ST3GAL4: variants seen among roughly 807,000 people sequenced by gnomAD.
ST3GAL4 encodes the protein ST3 beta-galactoside alpha-2,3-sialyltransferase 4.
In ST3GAL4, 24 loss-of-function variants were observed where a neutral mutation model predicts 42.6. The ratio of observed to expected loss-of-function variants is 0.56; its 90% CI spans 0.41 to 0.79. The LOEUF is 0.79. Ranked by LOEUF, ST3GAL4 falls within the 30% of genes least tolerant of loss-of-function variation. The probability of loss-of-function intolerance (pLI) is 0.00; values close to 1 mark genes in which losing one functional copy is unlikely to be tolerated. For missense variants in ST3GAL4, 311 were observed against 430.8 expected, an observed-to-expected ratio of 0.72 and a Z score of 2.46; for synonymous variants, 135 against 163.2, an observed-to-expected ratio of 0.83 and a Z score of 1.32.
rs1555090274 is a variant in ST3GAL4, at chr11:126,402,467, A to AG, written c.-60-3629_-60-3628insG. ...AGACTGTCTGAAAAAAAAAAAAAAA[A>AG]AAGAAGAAGAAGAAGAACTGAGGAC... On this transcript the variant is annotated intron_variant, in intron 1 of 10. Coordinates refer to ENST00000444328, the MANE Select transcript of ST3GAL4 (RefSeq NM_001254757.2). 8.6e-5 allele frequency among the ~76,000 whole-genome samples: 13 copies of AG among 151,528 alleles called. No homozygotes were observed. The East Asian group carries it at 1.9e-3, about 23-fold the overall frequency.
At chr11:126,356,546 T>G (rs556547379) in intron 1 of ST3GAL4, among the ~76,000 whole-genome samples, 1 of 152,268 alleles carries the variant, frequency 6.6e-6, no homozygotes, top group African/African-American at 2.4e-5. Flanking sequence ...TTCCCAGTCC[T>G]GGGGGGAGGC....
At position 126,363,671 on chromosome 11, in the gene ST3GAL4, G is replaced by A. The variant is rs535684610; in HGVS notation, c.-61+7829G>A. Reference sequence around the variant, plus strand: ...GACGGTGGGATCTTGTCTTTCTGGGGCCTCAGGGTCTCCAAAGATGGGCTG... The same window carrying A: ...GACGGTGGGATCTTGTCTTTCTGGGACCTCAGGGTCTCCAAAGATGGGCTG... On this transcript the variant is annotated intron_variant, in intron 1 of 10. Transcript: ENST00000444328. The surrounding 1 kb of genome is among the most constrained non-coding windows in gnomAD (Gnocchi z 4.6). Among the ~76,000 whole-genome samples the A allele has an allele frequency of 9.2e-5, 14 of 152,282 alleles. No homozygotes were observed. The South Asian group carries it at 2.9e-3, about 32-fold the overall frequency.
intron 1 of ST3GAL4, among the ~76,000 whole-genome samples, chr11:126,403,956 T>G (rs1197140118): frequency 1.3e-5 from 2 of 152,184 alleles, no homozygotes; most frequent in Non-Finnish European, 2.9e-5. Context: ...TTGGCTGCAC[T>G]TTAGAATCAC....
intron 1 of ST3GAL4, among the ~76,000 whole-genome samples, chr11:126,375,869 CTTTTTT>C (rs11443803): frequency 4.1e-5 from 5 of 122,640 alleles, no homozygotes; most frequent in Non-Finnish European, 5.1e-5. Context: ...CCTTTTCTTC[CTTTTTT>C]TTTTTTTTTT....
At position 126,410,071 on chromosome 11, in the gene ST3GAL4, ATT is replaced by A. The variant is rs1745299059; in HGVS notation, c.771+664_771+665del. On this transcript the variant is annotated intron_variant, in intron 9 of 10. Transcript: ENST00000444328. The surrounding 1 kb of genome is among the most constrained non-coding windows in gnomAD (Gnocchi z 5.3). ...AGGTATGCACCATCACGCCTGGCTA[ATT>A]TTTAAATTTTTTTGTAGAGATGGGG... 2.0e-5 allele frequency among the ~76,000 whole-genome samples: 3 copies of A among 152,030 alleles called. No homozygotes were observed. Among genetic ancestry groups the A allele is most frequent in the Admixed American group, 2.0e-4 (3 of 15,248 alleles).
intron 1 of ST3GAL4, among the ~76,000 whole-genome samples, chr11:126,367,473 T>C (rs1352665097): frequency 6.6e-6 from 1 of 152,080 alleles, no homozygotes; most frequent in Non-Finnish European, 1.5e-5. Flanking sequence ...GGGCAGAGCT[T>C]GAATGGAGAG....
intron 1 of ST3GAL4, among the ~76,000 whole-genome samples, chr11:126,403,755 G>T (rs1220273390): frequency 6.6e-6 from 1 of 152,166 alleles, no homozygotes; most frequent in Admixed American, 6.5e-5. Flanking sequence ...AGGGATCCTG[G>T]TTCGGAGCAC....
At chr11:126,358,920 G>C (rs1000641127) in intron 1 of ST3GAL4, among the ~76,000 whole-genome samples, 6 of 152,176 alleles carry the variant, frequency 3.9e-5, no homozygotes, top group African/African-American at 1.4e-4. Context: ...GTGTGGGTCT[G>C]GCTGGGCCTC....
At chr11:126,403,136 C>T (rs1268352743) in intron 1 of ST3GAL4, 1 of 154,294 alleles carries the variant, frequency 6.5e-6, no homozygotes, top group African/African-American at 2.4e-5. Flanking sequence ...CTGAGCAATC[C>T]TCACCCTCAG....
rs997122569 is a variant in ST3GAL4 at position 126,411,852 on chromosome 11, C to T, written c.772-1653C>T. Reference sequence around the variant, plus strand: ...GACCTCCGTTTCTGATCTTGACACCCGGATTTAAAGGTTCAGGTAATTAGG... The same window carrying T: ...GACCTCCGTTTCTGATCTTGACACCTGGATTTAAAGGTTCAGGTAATTAGG... On this transcript the variant is annotated intron_variant, in intron 9 of 10. Coordinates refer to ENST00000444328, the MANE Select transcript of ST3GAL4 (RefSeq NM_001254757.2). The surrounding 1 kb of genome is among the most constrained non-coding windows in gnomAD (Gnocchi z 6.3). Among the ~76,000 whole-genome samples, 10 of 151,932 alleles carry T rather than the reference C, an allele frequency of 6.6e-5. No homozygotes were observed. Among genetic ancestry groups the T allele is most frequent in the African/African-American group, 1.2e-4 (5 of 41,348 alleles).
In ST3GAL4 at chr11:126,411,366, G is replaced by A. The variant is rs551936423; in HGVS notation, c.771+1955G>A. ...ACAGGAGTGCTGGTCTCGAACTCCT[G>A]ACCTTAGGTGATCTACCCGCCTCGG... On this transcript the variant is annotated intron_variant, in intron 9 of 10. Coordinates refer to ENST00000444328, the MANE Select transcript of ST3GAL4 (RefSeq NM_001254757.2). The surrounding 1 kb of genome is among the most constrained non-coding windows in gnomAD (Gnocchi z 6.3). Among the ~76,000 whole-genome samples the A allele has an allele frequency of 6.6e-6, 1 of 152,210 alleles. No homozygotes were observed. The highest frequency in any genetic ancestry group is 2.4e-5 in the African/African-American group (1 of 41,526).
intron 1 of ST3GAL4, among the ~76,000 whole-genome samples, chr11:126,364,103 C>G (rs1352650907): frequency 1.3e-5 from 2 of 152,244 alleles, no homozygotes; most frequent in African/African-American, 2.4e-5. Context: ...GGGCTCCCTG[C>G]CCGGAGTCCC....
At chr11:126,370,088 A>G (rs1952586958) in intron 1 of ST3GAL4, among the ~76,000 whole-genome samples, 1 of 152,264 alleles carries the variant, frequency 6.6e-6, no homozygotes, top group Non-Finnish European at 1.5e-5. Context: ...GCTGTTAGAA[A>G]AAGTGCTGCA....
chr11:126,369,665 A>G (rs1167275044), intron 1 of ST3GAL4, among the ~76,000 whole-genome samples: 3 of 152,238 alleles, frequency 2.0e-5, no homozygotes, highest in African/African-American at 7.2e-5. Context: ...TGAGACTTCA[A>G]CATTTACATT....
rs143589195 is a variant in ST3GAL4, at chr11:126,397,226, T to C, written c.-60-8870T>C. On this transcript the variant is annotated intron_variant, in intron 1 of 10. Transcript: ENST00000444328. This position sits in a 1 kb window ranked among gnomAD's most constrained non-coding sequence, Gnocchi z 5.0. ...AAAACATCTGCTACATTCTTGGCAGTTTAATAGAATCTGGAGATACAAAGA... is the reference window on the plus strand; with the variant it reads ...AAAACATCTGCTACATTCTTGGCAGCTTAATAGAATCTGGAGATACAAAGA... 1.2e-3 allele frequency among the ~76,000 whole-genome samples: 176 copies of C among 152,206 alleles called. No individual in the cohort carries two copies. Among genetic ancestry groups the C allele is most frequent in the Non-Finnish European group, 2.3e-3 (155 of 68,008 alleles).
rs1953758778 is a variant in ST3GAL4 at position 126,396,334 on chromosome 11, G to A, written c.-60-9762G>A. 6.6e-6 allele frequency among the ~76,000 whole-genome samples: 1 copy of A among 152,104 alleles called. No homozygotes were observed. Among genetic ancestry groups the A allele is most frequent in the African/African-American group, 2.4e-5 (1 of 41,344 alleles). On this transcript the variant is annotated intron_variant, in intron 1 of 10. Transcript: ENST00000444328. This position sits in a 1 kb window ranked among gnomAD's most constrained non-coding sequence, Gnocchi z 5.8. ...CTGAGGTTCGGCAGGGAAGCCAGAG[G>A]AGTCCGCAGCCCGGGAGACCTGGCC...
intron 1 of ST3GAL4, among the ~76,000 whole-genome samples, chr11:126,361,475 G>T (rs1276542641): frequency 2.0e-5 from 3 of 151,134 alleles, no homozygotes; most frequent in Non-Finnish European, 4.4e-5. Context: ...CTTTGCTTCT[G>T]CTGCCCCCTC....
At chr11:126,365,617 G>A (rs1952395721) in intron 1 of ST3GAL4, among the ~76,000 whole-genome samples, 1 of 152,222 alleles carries the variant, frequency 6.6e-6, no homozygotes, top group African/African-American at 2.4e-5. Flanking sequence ...TGACAGGCCG[G>A]TATCTGTCCC....
chr11:126,362,944 C>T (rs117826149), intron 1 of ST3GAL4, among the ~76,000 whole-genome samples: 4 of 152,152 alleles, frequency 2.6e-5, no homozygotes, highest in African/African-American at 4.8e-5. Context: ...GGCAGGGAGC[C>T]GGTAATTGGG....
Sources: gnomAD v4.1 joint callset for allele counts (sites outside exome capture counted in the v4.1 genomes callset) on GRCh38, gnomAD v4.1.1 for gene constraint, Gnocchi (gnomAD v3.1) non-coding constraint, MANE v1.5 for transcripts, NCBI Gene and HGNC (gene_info 2026-07-23, HGNC 2026-07-21) for gene names.